Variants in DLGAP2 observed in about 807,000 individuals in gnomAD.
DLGAP2 encodes the protein DLG associated protein 2, also known as disks large-associated protein 2.
In DLGAP2, 26 loss-of-function variants were observed where a neutral mutation model predicts 100.3. That is an observed-to-expected ratio of 0.26 (90% CI 0.19 to 0.36). The LOEUF is 0.36. Among genes scored for constraint, DLGAP2 ranks in the 10% least tolerant of loss-of-function variants. The pLI is 1.00. For missense variants in DLGAP2, 1,858 were observed against 1,453.2 expected (o/e 1.28, Z -4.53); for synonymous variants, 886 against 630.1 (o/e 1.41, Z -6.08).
chr8:1,486,338 C>T (rs1483371603), intron 3 of DLGAP2, among the ~76,000 whole-genome samples: 1 of 152,158 alleles, frequency 6.6e-6, no homozygotes, highest in Non-Finnish European at 1.5e-5. Flanking sequence ...ACAGGTGGGG[C>T]CGGAAGTCTG....
chr8:1,091,758 C>T (rs1338767597), intron 2 of DLGAP2, among the ~76,000 whole-genome samples: 1 of 152,146 alleles, frequency 6.6e-6, no homozygotes, highest in Non-Finnish European at 1.5e-5. Context: ...AGCTCTGGCC[C>T]TGAGTCTCCT....
intron 1 of DLGAP2, among the ~76,000 whole-genome samples, chr8:764,783 C>T (rs983421760): frequency 6.6e-6 from 1 of 152,186 alleles, no homozygotes; most frequent in Admixed American, 6.5e-5. Flanking sequence ...CAGGTTCTCT[C>T]ATAGGTATAA....
chr8:949,689 G>T (rs1757365464), intron 2 of DLGAP2, among the ~76,000 whole-genome samples: 1 of 152,180 alleles, frequency 6.6e-6, no homozygotes, highest in South Asian at 2.1e-4. Flanking sequence ...CACCCCCCTT[G>T]CAGTGTCCCC....
intron 1 of DLGAP2, among the ~76,000 whole-genome samples, chr8:839,720 C>T (rs764107307): frequency 1.7e-4 from 26 of 152,166 alleles, no homozygotes; most frequent in Non-Finnish European, 3.5e-4. Flanking sequence ...GTGCCCCTGT[C>T]CTGATGCTCA....
At chr8:1,602,002 G>C (rs2130705347) in intron 6 of DLGAP2, among the ~76,000 whole-genome samples, 1 of 147,602 alleles carries the variant, frequency 6.8e-6, no homozygotes, top group South Asian at 2.1e-4. Flanking sequence ...CTACCTTCTT[G>C]CTTGTGGGGG....
At chr8:1,187,138 A>G (rs1174101629) in intron 2 of DLGAP2, among the ~76,000 whole-genome samples, 2 of 152,226 alleles carry the variant, frequency 1.3e-5, no homozygotes, top group East Asian at 3.9e-4. Context: ...AGCACTGGCT[A>G]CATATTGACT....
intron 2 of DLGAP2, among the ~76,000 whole-genome samples, chr8:979,758 T>C (rs1200934670): frequency 6.6e-6 from 1 of 152,134 alleles, no homozygotes; most frequent in Non-Finnish European, 1.5e-5. Context: ...TTGCATGCAG[T>C]TTTAAGGAAG....
chr8:1,151,344 C>G (rs1261977455), intron 2 of DLGAP2, among the ~76,000 whole-genome samples: 1 of 152,176 alleles, frequency 6.6e-6, no homozygotes, highest in Non-Finnish European at 1.5e-5. Context: ...AAGTGAAAAA[C>G]TCAGAGGAGC....
At chr8:1,576,290 C>T (rs1475002878) in intron 6 of DLGAP2, among the ~76,000 whole-genome samples, 1 of 152,132 alleles carries the variant, frequency 6.6e-6, no homozygotes, top group Non-Finnish European at 1.5e-5. Flanking sequence ...CTGTTCATGT[C>T]CTTCGCCCAC....
intron 2 of DLGAP2, among the ~76,000 whole-genome samples, chr8:1,040,922 G>A (rs1205235419): frequency 6.6e-6 from 1 of 152,164 alleles, no homozygotes; most frequent in East Asian, 1.9e-4. Context: ...GATCTAGGCT[G>A]TAAACCAGGA....
intron 2 of DLGAP2, among the ~76,000 whole-genome samples, chr8:973,171 C>T (rs1260983783): frequency 6.6e-6 from 1 of 152,156 alleles, no homozygotes; most frequent in Non-Finnish European, 1.5e-5. Flanking sequence ...CAGAGGGGCT[C>T]CTCACTTCCC....
At chr8:1,564,061 T>C (rs970200232) in intron 5 of DLGAP2, among the ~76,000 whole-genome samples, 3 of 152,198 alleles carry the variant, frequency 2.0e-5, no homozygotes, top group Non-Finnish European at 2.9e-5. Context: ...GTTCCTTGAC[T>C]ACAGACTGTG....
intron 1 of DLGAP2, among the ~76,000 whole-genome samples, chr8:876,910 AG>A (rs1159255397): frequency 1.2e-5 from 1 of 83,472 alleles, no homozygotes; most frequent in African/African-American, 6.7e-5. Context: ...TGGAATCTAC[AG>A]TTAAACCCCA....
rs545480777 is a variant in DLGAP2, at chr8:1,590,695, G to T, written c.1442+24801G>T. On this transcript the variant is annotated intron_variant, in intron 6 of 14. Transcript: ENST00000637795. Reference sequence around the variant, plus strand: ...ACTGAGTTTGTAGTTCTAAGAAATTGGTTGCTCAAAATCTTGTTCTGTCCT... The same window carrying T: ...ACTGAGTTTGTAGTTCTAAGAAATTTGTTGCTCAAAATCTTGTTCTGTCCT... Among the ~76,000 whole-genome samples the T allele has an allele frequency of 4.6e-5, 7 of 152,276 alleles. No homozygotes were observed. The South Asian group carries it at 1.5e-3, about 32-fold the overall frequency.
intron 3 of DLGAP2, among the ~76,000 whole-genome samples, chr8:1,327,661 C>A (rs1479847574): frequency 6.6e-6 from 1 of 151,998 alleles, no homozygotes; most frequent in Admixed American, 6.6e-5. Context: ...TGACTAACAC[C>A]ATGAAACCCC....
intron 4 of DLGAP2, among the ~76,000 whole-genome samples, chr8:1,515,876 A>G (rs893220412): frequency 2.0e-5 from 3 of 152,190 alleles, no homozygotes; most frequent in Non-Finnish European, 4.4e-5. Flanking sequence ...TTTCCTCCAC[A>G]TCTCACAGAG....
At position 804,998 on chromosome 8, in the gene DLGAP2, C is replaced by T. The variant is rs76409723; in HGVS notation, c.18+67173C>T. On this transcript the variant is annotated intron_variant, in intron 1 of 14. Transcript: ENST00000637795. ...GTTGTCCAGGCTGGTCTTGGATTCC[C>T]AGGCTCAAGTGATTGGCCTGCCTTG... 1.1e-3 allele frequency among the ~76,000 whole-genome samples: 164 copies of T among 152,184 alleles called. 1 individual carries two copies. Among genetic ancestry groups the T allele is most frequent in the African/African-American group, 3.9e-3 (160 of 41,530 alleles).
intron 2 of DLGAP2, among the ~76,000 whole-genome samples, chr8:1,129,919 C>T (rs1317926720): frequency 6.6e-6 from 1 of 152,162 alleles, no homozygotes; most frequent in African/African-American, 2.4e-5. Flanking sequence ...ACTGTGAATT[C>T]AGCATCCATT....
chr8:1,467,565 C>T (rs906453986), intron 3 of DLGAP2, among the ~76,000 whole-genome samples: 3 of 152,092 alleles, frequency 2.0e-5, no homozygotes, highest in African/African-American at 7.2e-5. Context: ...GGATGGGAGA[C>T]CACGGGCATT....
Sources: allele counts gnomAD v4.1 joint callset (sites outside exome capture counted in the v4.1 genomes callset), GRCh38; gene constraint gnomAD v4.1.1; transcripts MANE v1.5; gene names NCBI Gene and HGNC (gene_info 2026-07-23, HGNC 2026-07-21).